KDM2B: variants seen among roughly 807,000 people sequenced by gnomAD.
KDM2B encodes the protein lysine-specific demethylase 2B.
In KDM2B, 26 loss-of-function variants were observed where a neutral mutation model predicts 150.0. The ratio of observed to expected loss-of-function variants is 0.17; its 90% CI spans 0.13 to 0.24. The LOEUF (loss-of-function observed/expected upper bound fraction) is 0.24, where lower values mean the gene tolerates loss of function less well. Ranked by LOEUF, KDM2B falls within the 10% of genes least tolerant of loss-of-function variation. The pLI, the probability that KDM2B is intolerant of heterozygous loss-of-function variation, is 1.00. For synonymous variants in KDM2B, 734 were observed against 729.5 expected, an observed-to-expected ratio of 1.01 and a Z score of -0.10; for missense variants, 1,265 against 1,816.9, an observed-to-expected ratio of 0.70 and a Z score of 5.52.
chr12:121,576,389 A>G (rs543047448), intron 2 of KDM2B, among the ~76,000 whole-genome samples: 272 of 152,306 alleles, frequency 1.8e-3, no homozygotes, highest in Non-Finnish European at 3.1e-3. Flanking sequence ...GGAGGGGGGA[A>G]AAGCCGGTTT....
chr12:121,442,145 G>A lies in KDM2B; in HGVS notation c.3284+12C>T. 1 of 1,612,330 alleles carries A rather than the reference G, an allele frequency of 6.2e-7. No homozygotes were observed. Among genetic ancestry groups the A allele is most frequent in the South Asian group, 1.1e-5 (1 of 91,056 alleles). ...AGCCTTAACCTAGAGCCCTACACAG[G>A]CCGCCGCTCACCAGCGGTTCCAGGT... On this transcript the variant is annotated intron_variant, in intron 19 of 22. Transcript: ENST00000377071. This position sits in a 1 kb window ranked among gnomAD's most constrained non-coding sequence, Gnocchi z 7.7.
chr12:121,432,112 A>C (rs782179309), intron 22 of KDM2B, among the ~76,000 whole-genome samples: 17 of 150,972 alleles, frequency 1.1e-4, no homozygotes, highest in Non-Finnish European at 2.2e-4. Flanking sequence ...GAACTCCTGA[A>C]CTCAAGTGAT....
chr12:121,557,231 A>ATTTTTTTTTTTTTTTTTTTTTTTTTTTT (rs142679491), intron 4 of KDM2B, among the ~76,000 whole-genome samples: 1 of 103,724 alleles, frequency 9.6e-6, no homozygotes, highest in Non-Finnish European at 1.8e-5. Context: ...AGACAAGAGA[A>ATTTTTTTTTTTTTTTTTTTTTTTTTTTT]TTTTTTTTTT....
chr12:121,416,501 G>C, the KDM2B span: 1 of 694,572 alleles, frequency 1.4e-6, no homozygotes, highest in Non-Finnish European at 2.4e-6. Flanking sequence ...AGTTCCATTA[G>C]CCATTTTCCA....
intron 12 of KDM2B, among the ~76,000 whole-genome samples, chr12:121,486,464 C>T (rs1382972359): frequency 6.7e-6 from 1 of 149,392 alleles, no homozygotes; most frequent in East Asian, 2.0e-4. Flanking sequence ...CAGGCGTGAG[C>T]CACTGCGCCC....
Position 121,520,860 on chromosome 12 carries a change from TGA to T in KDM2B, c.1047+123_1047+124del. Reference sequence around the variant, plus strand: ...CACAGAACCAGGACTGAAGCCAGCTTGAGAGAGGAATCGGGAGGGAGAGGGGA... The same window carrying T: ...CACAGAACCAGGACTGAAGCCAGCTTGAGAGGAATCGGGAGGGAGAGGGGA... On this transcript the variant is annotated intron_variant, in intron 9 of 22. Coordinates refer to ENST00000377071, the MANE Select transcript of KDM2B (RefSeq NM_032590.5). The surrounding 1 kb of genome is among the most constrained non-coding windows in gnomAD (Gnocchi z 4.5). The T allele has an allele frequency of 4.2e-6, 2 of 481,492 alleles. No homozygotes were observed. The highest frequency in any genetic ancestry group is 7.7e-6 in the Non-Finnish European group (2 of 261,384). The allele number at this position is 481,492 out of a possible 1,614,324, so 29.8% of individuals were successfully genotyped here.
At chr12:121,554,258 G>A (rs1889737322) in intron 4 of KDM2B, among the ~76,000 whole-genome samples, 1 of 151,952 alleles carries the variant, frequency 6.6e-6, no homozygotes, top group Non-Finnish European at 1.5e-5. Flanking sequence ...AAAGTGGGGT[G>A]AAATGAATTG....
rs192723914 is a variant in KDM2B at position 121,522,669 on chromosome 12, G to A, written c.932-1569C>T. Among the ~76,000 whole-genome samples the A allele has an allele frequency of 3.0e-3, 452 of 152,136 alleles. 5 individuals are homozygous for A. Among genetic ancestry groups the A allele is most frequent in the African/African-American group, 0.01 (435 of 41,512 alleles). On this transcript the variant is annotated intron_variant, in intron 8 of 22. Coordinates refer to ENST00000377071, the MANE Select transcript of KDM2B (RefSeq NM_032590.5). ...TTGAGACCAGCCTGGTCAATATGGC[G>A]AAACCCCGTCTCCACTAAAAATACA...
chr12:121,516,884 AT>A (rs782061915), intron 9 of KDM2B: 3 of 669,014 alleles, frequency 4.5e-6, no homozygotes, highest in East Asian at 5.4e-5. Context: ...AAAAAAAAAA[AT>A]CAATGGAAAA....
intron 17 of KDM2B, 55 bp from the exon 18 acceptor site, chr12:121,443,085 T>G (rs1593750984): frequency 7.0e-7 from 1 of 1,429,100 alleles, no homozygotes; most frequent in Non-Finnish European, 9.6e-7. Flanking sequence ...TGGGATTTGG[T>G]CTCCTCGACA....
chr12:121,547,002 T>C lies in KDM2B; in HGVS notation c.683+1875A>G, dbSNP rs537046327. On this transcript the variant is annotated intron_variant, in intron 6 of 22. Coordinates refer to ENST00000377071, the MANE Select transcript of KDM2B (RefSeq NM_032590.5). ...GTGACCCACCGCACCTGGCCTCCTC[T>C]GTCATTTGAAGCTCAGGAAGAATGT... Among the ~76,000 whole-genome samples the C allele has an allele frequency of 2.0e-5, 3 of 152,042 alleles. No homozygotes were observed. The East Asian group carries it at 5.8e-4, about 29-fold the overall frequency.
chr12:121,502,760 CAAA>C (rs3080029), intron 11 of KDM2B, among the ~76,000 whole-genome samples: 5 of 45,182 alleles, frequency 1.1e-4, no homozygotes, highest in African/African-American at 2.5e-4. Flanking sequence ...CCATCTCTAC[CAAA>C]AAAAAAAAAA....
At chr12:121,547,654 T>G (rs1889168941) in intron 6 of KDM2B, among the ~76,000 whole-genome samples, 1 of 147,498 alleles carries the variant, frequency 6.8e-6, no homozygotes, top group Non-Finnish European at 1.5e-5. Flanking sequence ...CCTTTTTTTT[T>G]TTTTTTTTTT....
At chr12:121,414,822 G>A in the KDM2B span, among the ~76,000 whole-genome samples, 3 of 152,340 alleles carry the variant, frequency 2.0e-5, no homozygotes, top group East Asian at 1.9e-4. Context: ...GGCTGGGCAC[G>A]GTGGCTCATG....
At chr12:121,567,372 C>A (rs1384756468) in intron 4 of KDM2B, among the ~76,000 whole-genome samples, 1 of 152,190 alleles carries the variant, frequency 6.6e-6, no homozygotes. Flanking sequence ...AAAATGACAT[C>A]TTTAGGGTGA....
chr12:121,443,704 G>A lies in KDM2B; in HGVS notation c.2541C>T (p.Ser847=). 6.2e-7 allele frequency: 1 copy of A among 1,611,092 alleles called. No individual in the cohort carries two copies. Among genetic ancestry groups the A allele is most frequent in the Non-Finnish European group, 8.5e-7 (1 of 1,179,044 alleles). The stretch of plus-strand genomic sequence containing the variant: ...CCTGCTGCTGGAAGTAAGTGAGACT[G>A]GATCTCCACCAGGGGCTGAGGCTGC... ...LGSSLSPWWR[S]SLTYFQQQLK... is the part of the protein sequence containing the mutation. Residue 847 remains serine (S), a synonymous_variant, in exon 17 of 23, where the codon TCC becomes TCT. Coordinates refer to ENST00000377071, the MANE Select transcript of KDM2B (RefSeq NM_032590.5).
At position 121,467,169 on chromosome 12, in the gene KDM2B, C is replaced by G; in HGVS notation, c.1735-13825G>C. ...CCCGGGCCGCCGACCTGGTCCGGCT[C>G]CGATTCATAGTCGTCGTCCTCGGCG... On this transcript the variant is annotated intron_variant, in intron 12 of 22. Coordinates refer to ENST00000377071, the MANE Select transcript of KDM2B (RefSeq NM_032590.5). The surrounding 1 kb of genome is among the most constrained non-coding windows in gnomAD (Gnocchi z 5.1). 8.9e-7 allele frequency: 1 copy of G among 1,123,090 alleles called. No homozygotes were observed. Among genetic ancestry groups the G allele is most frequent in the South Asian group, 1.8e-5 (1 of 56,806 alleles). 69.6% of individuals were successfully genotyped at this position (1,123,090 alleles called of 1,614,324 possible).
intron 15 of KDM2B, 33 bp from the exon 16 acceptor site, chr12:121,444,305 AACTGTAT>A (rs782085511): frequency 2.1e-5 from 34 of 1,611,926 alleles, no homozygotes; most frequent in African/African-American, 5.3e-5. Flanking sequence ...TGAACAGACC[AACTGTAT>A]ACCTTTGGAC....
At chr12:121,492,840 G>A (rs368758097) in intron 12 of KDM2B, among the ~76,000 whole-genome samples, 3 of 143,888 alleles carry the variant, frequency 2.1e-5, no homozygotes, top group African/African-American at 2.6e-5. Flanking sequence ...AAAAAAAAAA[G>A]AAAAAAAAAG....
Sources: allele counts gnomAD v4.1 joint callset (sites outside exome capture counted in the v4.1 genomes callset), GRCh38; gene constraint gnomAD v4.1.1; non-coding constraint Gnocchi (gnomAD v3.1); transcripts MANE v1.5; gene names NCBI Gene and HGNC (gene_info 2026-07-23, HGNC 2026-07-21).